The following BEND6 variants were observed in gnomAD, a reference collection of about 807,000 sequenced individuals.
The protein encoded by BEND6 is BEN domain containing 6.
Under a neutral mutation model 31.8 loss-of-function variants are expected in BEND6, and 24 were observed. That is an observed-to-expected ratio of 0.75 (90% CI 0.55 to 1.06). BEND6 has a LOEUF of 1.06. Ranked by LOEUF, BEND6 falls within the 50% of genes least tolerant of loss-of-function variation. The pLI is 0.00. For synonymous variants in BEND6, 109 were observed against 114.6 expected (o/e 0.95, Z 0.31); for missense variants, 294 against 327.4 (o/e 0.90, Z 0.79).
intron 6 of BEND6, among the ~76,000 whole-genome samples, chr6:57,023,440 C>T (rs1447356510): frequency 6.6e-6 from 1 of 152,118 alleles, no homozygotes; most frequent in African/African-American, 2.4e-5. Context: ...ACTACTTCTG[C>T]TCTTTTTTGG....
intron 1 of BEND6, among the ~76,000 whole-genome samples, chr6:56,961,674 C>G (rs1270017555): frequency 1.3e-5 from 2 of 152,158 alleles, no homozygotes; most frequent in African/African-American, 4.8e-5. Context: ...TTGCTATAGT[C>G]TTAAGGCCTA....
chr6:56,990,419 G>C (rs1826451542), intron 2 of BEND6, among the ~76,000 whole-genome samples: 1 of 151,776 alleles, frequency 6.6e-6, no homozygotes, highest in African/African-American at 2.4e-5. Flanking sequence ...GATAATTTTT[G>C]TATTTTTTGT....
chr6:57,023,441 TC>T lies in BEND6; in HGVS notation c.*10-2640del, dbSNP rs1282568863. ...TTTTACCTGATATAACTACTTCTGC[TC>T]TTTTTTGGTTCCCAGTTGCATCACG... On this transcript the variant is annotated intron_variant, in intron 6 of 6. Transcript: ENST00000370746. Among the ~76,000 whole-genome samples, 6 of 152,328 alleles carry T rather than the reference TC, an allele frequency of 3.9e-5. 1 individual carries two copies. Among genetic ancestry groups the T allele is most frequent in the African/African-American group, 1.4e-4 (6 of 41,572 alleles).
chr6:57,010,706 G>A (rs1827314896), intron 3 of BEND6: 54 of 902,880 alleles, frequency 6.0e-5, no homozygotes, highest in Non-Finnish European at 7.0e-5. Flanking sequence ...ATATATCCAG[G>A]AAAACAGCCT....
intron 3 of BEND6, among the ~76,000 whole-genome samples, chr6:57,006,640 G>A (rs192784182): frequency 6.6e-6 from 1 of 152,290 alleles, no homozygotes; most frequent in East Asian, 1.9e-4. Context: ...AATAAATTTT[G>A]TCTTTAAAAA....
At chr6:56,988,206 C>T (rs890054027) in intron 2 of BEND6, among the ~76,000 whole-genome samples, 5 of 151,744 alleles carry the variant, frequency 3.3e-5, no homozygotes, top group African/African-American at 7.3e-5. Context: ...TTAGTTGAGA[C>T]GGGGTTTCAC....
intron 1 of BEND6, among the ~76,000 whole-genome samples, chr6:56,975,105 G>A (rs986708222): frequency 6.6e-6 from 1 of 151,908 alleles, no homozygotes; most frequent in Admixed American, 6.6e-5. Flanking sequence ...CAACAAAAGC[G>A]AAACTGTCTC....
chr6:56,975,646 T>C (rs1026798784), intron 1 of BEND6: 1 of 396,870 alleles, frequency 2.5e-6, no homozygotes, highest in Non-Finnish European at 5.0e-6. Flanking sequence ...TCATGAAAAC[T>C]CTAGCCGTGA....
At chr6:57,003,502 AAAAC>A (rs1286701025) in intron 3 of BEND6, among the ~76,000 whole-genome samples, 1 of 151,260 alleles carries the variant, frequency 6.6e-6, no homozygotes, top group East Asian at 1.9e-4. Flanking sequence ...CCCTGTCTCA[AAAAC>A]AAACAGCAAC....
At chr6:56,973,479 T>C (rs1479874491) in intron 1 of BEND6, among the ~76,000 whole-genome samples, 1 of 152,196 alleles carries the variant, frequency 6.6e-6, no homozygotes, top group African/African-American at 2.4e-5. Flanking sequence ...TTTAATTTAT[T>C]AATTAGGCAC....
chr6:56,968,683 T>G (rs747347094), intron 1 of BEND6, among the ~76,000 whole-genome samples: 1 of 152,066 alleles, frequency 6.6e-6, no homozygotes, highest in Non-Finnish European at 1.5e-5. Context: ...CATAACAGTT[T>G]GGCAGCATTG....
chr6:56,978,763 A>T (rs1420582280), intron 1 of BEND6, among the ~76,000 whole-genome samples: 1 of 152,188 alleles, frequency 6.6e-6, no homozygotes, highest in Non-Finnish European at 1.5e-5. Flanking sequence ...ACTGGAGCGA[A>T]GATTGAAATT....
intron 3 of BEND6, among the ~76,000 whole-genome samples, chr6:57,000,578 A>G (rs1053891606): frequency 6.7e-6 from 1 of 149,998 alleles, no homozygotes; most frequent in African/African-American, 2.4e-5. Context: ...AAATACTAAA[A>G]AAACAAACAA....
At chr6:57,015,641 CAA>C (rs5876528) in intron 4 of BEND6, among the ~76,000 whole-genome samples, 13 of 130,650 alleles carry the variant, frequency 1.0e-4, no homozygotes, top group Admixed American at 1.5e-4. Flanking sequence ...ACTAAAAATA[CAA>C]AAAAAAAAAA....
intron 2 of BEND6, among the ~76,000 whole-genome samples, chr6:56,984,085 A>G (rs1826166348): frequency 6.6e-6 from 1 of 152,028 alleles, no homozygotes; most frequent in African/African-American, 2.4e-5. Flanking sequence ...ATCGGGTGCA[A>G]CTGCTTACAC....
At chr6:56,970,518 C>T (rs1293831594) in intron 1 of BEND6, among the ~76,000 whole-genome samples, 1 of 152,174 alleles carries the variant, frequency 6.6e-6, no homozygotes, top group Non-Finnish European at 1.5e-5. Context: ...GTTCATGTTT[C>T]ATCTCATCTC....
chr6:57,004,675 A>C, intron 3 of BEND6: 1 of 1,507,938 alleles, frequency 6.6e-7, no homozygotes, highest in Middle Eastern at 2.3e-4. Context: ...GGAAAAAAAA[A>C]ATGTGAATCA....
chr6:57,019,381 G>A (rs75706609), intron 6 of BEND6, among the ~76,000 whole-genome samples: 1,611 of 152,250 alleles, frequency 0.011, 29 homozygotes, highest in African/African-American at 0.036. Flanking sequence ...GATTAATAGA[G>A]GCATGTGGGT....
At chr6:57,006,567 T>C (rs941693717) in intron 3 of BEND6, among the ~76,000 whole-genome samples, 2 of 152,200 alleles carry the variant, frequency 1.3e-5, no homozygotes, top group Non-Finnish European at 2.9e-5. Flanking sequence ...AGAACATAAC[T>C]ATACAGTCTA....
Sources: gnomAD v4.1 joint callset for allele counts (sites outside exome capture counted in the v4.1 genomes callset) on GRCh38, gnomAD v4.1.1 for gene constraint, MANE v1.5 for transcripts, NCBI Gene and HGNC (gene_info 2026-07-23, HGNC 2026-07-21) for gene names.